Variants in SPACDR observed in about 807,000 individuals in gnomAD.
SPACDR encodes sperm acrosome developmental regulator, also known as uncharacterized protein C7orf61.
chr7:100,461,227 C>T, the SPACDR span, among the ~76,000 whole-genome samples: 4 of 152,138 alleles, frequency 2.6e-5, no homozygotes, highest in South Asian at 2.1e-4. Context: ...GGGATTACAG[C>T]GGTGCACCAC....
the SPACDR span, among the ~76,000 whole-genome samples, chr7:100,462,736 C>A: frequency 1.4e-3 from 212 of 149,352 alleles, 6 homozygotes; most frequent in Admixed American, 0.014. Flanking sequence ...TGGCCTTGAA[C>A]TCCTGGCCTC....
the SPACDR span, among the ~76,000 whole-genome samples, chr7:100,458,195 G>T: frequency 1.5e-5 from 2 of 137,014 alleles, no homozygotes; most frequent in Admixed American, 1.5e-4. Context: ...TGTACTCACT[G>T]GTGTGTGTGT....
the SPACDR span, chr7:100,463,551 T>C: frequency 2.5e-6 from 4 of 1,614,014 alleles, no homozygotes; most frequent in South Asian, 4.4e-5. Flanking sequence ...AACTTGGGCT[T>C]AGCCTCTTTT....
chr7:100,463,649 G>A, the SPACDR span: 1 of 1,613,946 alleles, frequency 6.2e-7, no homozygotes, highest in South Asian at 1.1e-5. Flanking sequence ...AGGGTGTCCT[G>A]AGATGGTTGG....
chr7:100,460,415 ACT>A, the SPACDR span, among the ~76,000 whole-genome samples: 1 of 151,444 alleles, frequency 6.6e-6, no homozygotes, highest in African/African-American at 2.4e-5. Flanking sequence ...ATATGGTGAA[ACT>A]CTGTCTCTAC....
the SPACDR span, among the ~76,000 whole-genome samples, chr7:100,461,782 G>T: frequency 6.6e-6 from 1 of 151,882 alleles, no homozygotes; most frequent in Non-Finnish European, 1.5e-5. Context: ...GAGGTCAGGA[G>T]ATCAAGACCA....
At chr7:100,464,074 TA>T in the SPACDR span, 1 of 176,442 alleles carries the variant, frequency 5.7e-6, no homozygotes, top group Non-Finnish European at 7.9e-6. Flanking sequence ...TAGCATTTGG[TA>T]CGGTGGGGGT....
the SPACDR span, chr7:100,463,412 G>A: frequency 1.5e-5 from 24 of 1,612,806 alleles, no homozygotes; most frequent in Admixed American, 3.3e-5. Flanking sequence ...GACCATGAGC[G>A]TGGAGACAGA....
At chr7:100,457,859 T>TTA in the SPACDR span, among the ~76,000 whole-genome samples, 1 of 72,862 alleles carries the variant, frequency 1.4e-5, no homozygotes, top group Non-Finnish European at 2.5e-5. Flanking sequence ...ATATATATAT[T>TTA]TTTTTTTTTT....
chr7:100,463,215 C>T, the SPACDR span: 3 of 623,204 alleles, frequency 4.8e-6, no homozygotes, highest in East Asian at 5.6e-5. Flanking sequence ...CTCAAGTGAT[C>T]CTCCCATCTC....
At chr7:100,462,636 C>G in the SPACDR span, among the ~76,000 whole-genome samples, 1 of 151,982 alleles carries the variant, frequency 6.6e-6, no homozygotes, top group Non-Finnish European at 1.5e-5. Context: ...CCTGCCTCAG[C>G]CTCCCAAGTA....
At chr7:100,462,616 A>C in the SPACDR span, among the ~76,000 whole-genome samples, 1 of 151,846 alleles carries the variant, frequency 6.6e-6, no homozygotes, top group Non-Finnish European at 1.5e-5. Flanking sequence ...TCCTGGGCTC[A>C]TGTGTTCCTC....
At chr7:100,458,816 A>C in the SPACDR span, among the ~76,000 whole-genome samples, 2 of 152,084 alleles carry the variant, frequency 1.3e-5, no homozygotes, top group East Asian at 2.0e-4. Context: ...GGTCCCATCT[A>C]ATCGGGAGGC....
At chr7:100,463,395 G>A in the SPACDR span, 2 of 1,610,500 alleles carry the variant, frequency 1.2e-6, no homozygotes, top group African/African-American at 1.3e-5. Context: ...CCGCTCTGCA[G>A]GGCAGAGACC....
At chr7:100,456,801 C>A in the SPACDR span, 2 of 1,612,944 alleles carry the variant, frequency 1.2e-6, no homozygotes, top group African/African-American at 2.7e-5. Flanking sequence ...CGGGTTGGGT[C>A]GGGGGGCAGC....
At chr7:100,464,167 G>T in the SPACDR span, 1 of 1,502,786 alleles carries the variant, frequency 6.7e-7, no homozygotes, top group East Asian at 2.5e-5. Context: ...CAGCAGTAAA[G>T]AAAGAAGTAG....
the SPACDR span, among the ~76,000 whole-genome samples, chr7:100,460,417 T>A: frequency 4.6e-5 from 7 of 151,932 alleles, no homozygotes; most frequent in East Asian, 1.4e-3. Context: ...ATGGTGAAAC[T>A]CTGTCTCTAC....
the SPACDR span, among the ~76,000 whole-genome samples, chr7:100,457,801 A>ATG: frequency 1.1e-3 from 79 of 74,366 alleles, 1 homozygote; most frequent in African/African-American, 1.9e-3. Flanking sequence ...TTATATATAT[A>ATG]TATGTGTGTG....
the SPACDR span, among the ~76,000 whole-genome samples, chr7:100,461,391 T>A: frequency 6.6e-6 from 1 of 151,864 alleles, no homozygotes; most frequent in Non-Finnish European, 1.5e-5. Context: ...GACTTCCCAC[T>A]TCAGCCTCCC....
Sources: allele counts gnomAD v4.1 joint callset (sites outside exome capture counted in the v4.1 genomes callset), GRCh38; gene constraint gnomAD v4.1.1; transcripts MANE v1.5; gene names NCBI Gene and HGNC (gene_info 2026-07-23, HGNC 2026-07-21).